The following SND1 variants were observed in gnomAD, a reference collection of about 807,000 sequenced individuals.
The protein encoded by SND1 is staphylococcal nuclease domain-containing protein 1.
In SND1, 38 loss-of-function variants were observed where a neutral mutation model predicts 121.7. That is an observed-to-expected ratio of 0.31 (90% CI 0.24 to 0.41). The LOEUF (loss-of-function observed/expected upper bound fraction) is 0.41, where lower values mean the gene tolerates loss of function less well. Ranked by LOEUF, SND1 falls within the 10% of genes least tolerant of loss-of-function variation. The pLI is 1.00. For synonymous variants in SND1, 401 were observed against 447.4 expected (o/e 0.90, Z 1.31); for missense variants, 868 against 1,184.6 (o/e 0.73, Z 3.92).
intron 15 of SND1, among the ~76,000 whole-genome samples, chr7:127,955,649 C>A (rs2116861969): frequency 6.6e-6 from 1 of 152,308 alleles, no homozygotes; most frequent in South Asian, 2.1e-4. Context: ...AGTCCCCTTT[C>A]TCAGGCATAT....
intron 15 of SND1, among the ~76,000 whole-genome samples, chr7:127,989,993 A>C (rs929735520): frequency 1.3e-5 from 2 of 152,232 alleles, no homozygotes; most frequent in Non-Finnish European, 2.9e-5. Flanking sequence ...GTGGTTGGAT[A>C]CAAAAAAAGA....
At chr7:127,945,687 AT>A (rs1322399858) in intron 15 of SND1, among the ~76,000 whole-genome samples, 1 of 152,018 alleles carries the variant, frequency 6.6e-6, no homozygotes, top group Admixed American at 6.6e-5. Flanking sequence ...CAGGCCTCAG[AT>A]TTTTTTCACA....
At chr7:127,849,080 G>C (rs1202496059) in intron 12 of SND1, among the ~76,000 whole-genome samples, 1 of 152,170 alleles carries the variant, frequency 6.6e-6, no homozygotes, top group Non-Finnish European at 1.5e-5. Context: ...ATCAAACTTT[G>C]AGTCTTTTCT....
intron 12 of SND1, among the ~76,000 whole-genome samples, chr7:127,886,766 A>G (rs1463808682): frequency 6.8e-6 from 1 of 147,536 alleles, no homozygotes; most frequent in Admixed American, 7.0e-5. Context: ...ATCATTTCCC[A>G]TTCATCCTTC....
chr7:127,796,586 T>C (rs1312301807), intron 10 of SND1, among the ~76,000 whole-genome samples: 5 of 152,130 alleles, frequency 3.3e-5, no homozygotes, highest in Non-Finnish European at 7.4e-5. Flanking sequence ...AGGCAGAAAG[T>C]GATTAGTGCT....
Position 127,922,324 on chromosome 7 carries a change from A to G in SND1, c.1528-6864A>G, listed in dbSNP as rs1359968857. On this transcript the variant is annotated intron_variant, in intron 14 of 23. Coordinates refer to ENST00000354725, the MANE Select transcript of SND1 (RefSeq NM_014390.4). ...GAGGCCACCGTGCCTGGCTCAGACCATTTTCTGAGGGTCCCTAATCTATTC... is the reference window on the plus strand; with the variant it reads ...GAGGCCACCGTGCCTGGCTCAGACCGTTTTCTGAGGGTCCCTAATCTATTC... Among the ~76,000 whole-genome samples, 3 of 151,164 alleles carry G rather than the reference A, an allele frequency of 2.0e-5. No homozygotes were observed. The East Asian group carries it at 5.8e-4, about 29-fold the overall frequency.
At chr7:128,069,899 C>T (rs575932706) in intron 16 of SND1, among the ~76,000 whole-genome samples, 69 of 152,274 alleles carry the variant, frequency 4.5e-4, no homozygotes, top group African/African-American at 1.6e-3. Context: ...GGAGGGTGAA[C>T]CCATAGGCAT....
At chr7:127,769,281 C>T (rs1045431255) in intron 10 of SND1, among the ~76,000 whole-genome samples, 39 of 152,028 alleles carry the variant, frequency 2.6e-4, no homozygotes, top group African/African-American at 8.7e-4. Context: ...TAGTAAACTC[C>T]GTTTCCTCAG....
intron 10 of SND1, among the ~76,000 whole-genome samples, chr7:127,798,094 C>A (rs1798058901): frequency 6.6e-6 from 1 of 152,120 alleles, no homozygotes. Flanking sequence ...ACTTTAATTT[C>A]AGGGTGTGCA....
intron 10 of SND1, among the ~76,000 whole-genome samples, chr7:127,766,740 C>T (rs961327248): frequency 1.1e-4 from 13 of 116,436 alleles, no homozygotes; most frequent in African/African-American, 4.2e-4. Flanking sequence ...CCACTGCACT[C>T]CAGCCTGGGT....
At chr7:127,919,109 G>A (rs974307905) in intron 14 of SND1, among the ~76,000 whole-genome samples, 1 of 152,108 alleles carries the variant, frequency 6.6e-6, no homozygotes, top group East Asian at 1.9e-4. Flanking sequence ...TTCACTTAAG[G>A]TTTATTGAAC....
intron 10 of SND1, among the ~76,000 whole-genome samples, chr7:127,807,080 T>C (rs1339502778): frequency 7.9e-5 from 12 of 152,242 alleles, no homozygotes; most frequent in African/African-American, 2.4e-5. Flanking sequence ...ACAGAATGCT[T>C]TGTATGGAAC....
chr7:127,912,584 A>G (rs958551946), intron 14 of SND1, among the ~76,000 whole-genome samples: 2 of 152,212 alleles, frequency 1.3e-5, no homozygotes, highest in Admixed American at 1.3e-4. Context: ...CAGTATTCCT[A>G]GTAACTTATC....
chr7:127,711,237 C>T (rs1796291891), intron 9 of SND1, among the ~76,000 whole-genome samples: 2 of 152,306 alleles, frequency 1.3e-5, no homozygotes, highest in African/African-American at 4.8e-5. Context: ...TCACAGCTTT[C>T]TCTTTATAAT....
chr7:128,024,109 C>T (rs1323656979), intron 16 of SND1, among the ~76,000 whole-genome samples: 2 of 151,070 alleles, frequency 1.3e-5, no homozygotes, highest in Non-Finnish European at 2.9e-5. Context: ...TTGCTGAAGC[C>T]CTTATCACTG....
intron 16 of SND1, among the ~76,000 whole-genome samples, chr7:128,024,666 G>T (rs1348095993): frequency 6.6e-6 from 1 of 152,202 alleles, no homozygotes; most frequent in Non-Finnish European, 1.5e-5. Context: ...AAATAGCCAT[G>T]ATAAAGCTAA....
intron 15 of SND1, among the ~76,000 whole-genome samples, chr7:127,959,009 A>T (rs1288921009): frequency 6.6e-6 from 1 of 152,144 alleles, no homozygotes; most frequent in Non-Finnish European, 1.5e-5. Flanking sequence ...ATAAAAATGA[A>T]CACACCATTG....
rs1165315459 is a variant in SND1, at chr7:128,085,404, AGTGCACTGG to A, written c.2235-304_2235-296del. ...TGCTGGCTAATTACAGCTGCTGTTT[AGTGCACTGG>A]GTTTAAACAGCAGACATCAATCTAG... On this transcript the variant is annotated intron_variant, in intron 19 of 23. Transcript: ENST00000354725. This position sits in a 1 kb window ranked among gnomAD's most constrained non-coding sequence, Gnocchi z 4.4. 3.0e-4 allele frequency among the ~76,000 whole-genome samples: 45 copies of A among 152,160 alleles called. No individual in the cohort carries two copies. The highest frequency in any genetic ancestry group is 2.8e-3 in the Admixed American group (43 of 15,292).
In SND1 at chr7:127,867,426, T is replaced by A. The variant is rs146268977; in HGVS notation, c.1344-20476T>A. Among the ~76,000 whole-genome samples the A allele has an allele frequency of 6.7e-3, 1,020 of 152,308 alleles. 11 individuals carry two copies. The highest frequency in any genetic ancestry group is 0.023 in the African/African-American group (968 of 41,584). ...CCTCTTCTTACCACTATTCAGTCTC[T>A]GGGTGATCTGATGGTGATGCTGCTG... On this transcript the variant is annotated intron_variant, in intron 12 of 23. Transcript: ENST00000354725.
Sources: gnomAD v4.1 joint callset for allele counts (sites outside exome capture counted in the v4.1 genomes callset) on GRCh38, gnomAD v4.1.1 for gene constraint, Gnocchi (gnomAD v3.1) non-coding constraint, MANE v1.5 for transcripts, NCBI Gene and HGNC (gene_info 2026-07-23, HGNC 2026-07-21) for gene names.